Variants in ZFHX3 observed in about 807,000 individuals in gnomAD.
ZFHX3 encodes the protein zinc finger homeobox protein 3.
Under a neutral mutation model 279.1 loss-of-function variants are expected in ZFHX3, and 42 were observed. That is an observed-to-expected ratio of 0.15 (90% CI 0.12 to 0.19). The LOEUF (loss-of-function observed/expected upper bound fraction) is 0.19. Among genes scored for constraint, ZFHX3 ranks in the 10% least tolerant of loss-of-function variants. The pLI is 1.00. For synonymous variants in ZFHX3, 2,293 were observed against 1,957.8 expected (o/e 1.17, Z -4.52); for missense variants, 4,981 against 4,754.0 (o/e 1.05, Z -1.40).
chr16:73,535,421 C>G (rs749398299), intron 2 of ZFHX3, among the ~76,000 whole-genome samples: 1 of 152,210 alleles, frequency 6.6e-6, no homozygotes, highest in Non-Finnish European at 1.5e-5. Flanking sequence ...CTGGTGAGAT[C>G]TGAGTGGCTA....
chr16:73,067,324 A>G (rs1965768157), intron 8 of ZFHX3, among the ~76,000 whole-genome samples: 1 of 152,198 alleles, frequency 6.6e-6, no homozygotes, highest in African/African-American at 2.4e-5. Flanking sequence ...TTAAACTTAC[A>G]GTCTTCAGGG....
rs1056488749 is a variant in ZFHX3 at position 73,316,779 on chromosome 16, C to T, written c.-1194+1461G>A. Among the ~76,000 whole-genome samples, 122 of 152,260 alleles carry T rather than the reference C, an allele frequency of 8.0e-4. 1 individual carries two copies. Among genetic ancestry groups the T allele is most frequent in the African/African-American group, 2.8e-3 (118 of 41,536 alleles). Reference sequence around the variant, plus strand: ...CTTCACATTCACGCTGCACTCCTGACCAGTGAATGCAAACACACAAGGCAT... The same window carrying T: ...CTTCACATTCACGCTGCACTCCTGATCAGTGAATGCAAACACACAAGGCAT... On this transcript the variant is annotated intron_variant, in intron 4 of 17. Coordinates refer to the ZFHX3 transcript ENST00000641206.
At chr16:72,987,127 C>T (rs536907548) in intron 1 of ZFHX3, among the ~76,000 whole-genome samples, 168 of 152,274 alleles carry the variant, frequency 1.1e-3, no homozygotes, top group South Asian at 7.7e-3. Context: ...AGCCACTACA[C>T]GCCAGCCTGG....
At position 73,519,359 on chromosome 16, in the gene ZFHX3, TG is replaced by T. The variant is rs547021263; in HGVS notation, c.-1546-63102del. 9.2e-5 allele frequency among the ~76,000 whole-genome samples: 14 copies of T among 152,340 alleles called. No homozygotes were observed. The South Asian group carries it at 2.9e-3, about 32-fold the overall frequency. The stretch of plus-strand genomic sequence containing the variant: ...AGGATTATTCTATAAATTTTTAAAA[TG>T]TTTTTCTACATATCTCTAAAATACC... On this transcript the variant is annotated intron_variant, in intron 2 of 17. Coordinates refer to the ZFHX3 transcript ENST00000641206.
intron 2 of ZFHX3, among the ~76,000 whole-genome samples, chr16:73,567,227 A>G (rs189260350): frequency 6.6e-6 from 1 of 152,078 alleles, no homozygotes; most frequent in Admixed American, 6.5e-5. Flanking sequence ...GGAGCTCCTT[A>G]CTGATTACAT....
rs114316299 is a variant in ZFHX3, at chr16:73,448,557, T to A, written c.-1291+7446A>T. On this transcript the variant is annotated intron_variant, in intron 3 of 17. Transcript: ENST00000641206. ...TCTTTAGTGAACGAAAAGGAAAAGA[T>A]AAAAAATAAGGAAGGTAATAGAAAA... is the stretch of plus-strand genomic sequence containing the variant. 9.2e-3 allele frequency among the ~76,000 whole-genome samples: 1,390 copies of A among 151,760 alleles called. 22 individuals carry two copies. The highest frequency in any genetic ancestry group is 0.031 in the African/African-American group (1,298 of 41,392).
At chr16:73,692,208 G>T (rs1402804036) in intron 1 of ZFHX3, among the ~76,000 whole-genome samples, 2 of 152,112 alleles carry the variant, frequency 1.3e-5, no homozygotes, top group Non-Finnish European at 2.9e-5. Flanking sequence ...CTAATAAATA[G>T]ATTGAGGTGG....
intron 2 of ZFHX3, among the ~76,000 whole-genome samples, chr16:73,500,706 A>C (rs1210502999): frequency 3.8e-4 from 57 of 151,470 alleles, no homozygotes; most frequent in Middle Eastern, 3.4e-3. Flanking sequence ...AAAAAAAAAA[A>C]AAACCTCACA....
At chr16:73,362,202 T>C (rs1277831907) in intron 3 of ZFHX3, among the ~76,000 whole-genome samples, 2 of 152,190 alleles carry the variant, frequency 1.3e-5, no homozygotes, top group Non-Finnish European at 2.9e-5. Flanking sequence ...TATTTGTATC[T>C]GGGGAGAGGA....
intron 4 of ZFHX3, among the ~76,000 whole-genome samples, chr16:72,884,310 C>T (rs1262322910): frequency 3.9e-5 from 6 of 152,154 alleles, no homozygotes; most frequent in African/African-American, 2.4e-5. Context: ...ATGCCAAAGA[C>T]GTATCTGTAA....
chr16:72,892,964 G>A (rs1002916280), intron 3 of ZFHX3, among the ~76,000 whole-genome samples: 1 of 152,146 alleles, frequency 6.6e-6, no homozygotes, highest in African/African-American at 2.4e-5. Flanking sequence ...GAGAAGATGA[G>A]CTAGCCCACG....
intron 5 of ZFHX3, among the ~76,000 whole-genome samples, chr16:73,241,790 C>CAAAAAAAAAAAAAA (rs60214410): frequency 2.0e-4 from 10 of 51,276 alleles, no homozygotes; most frequent in African/African-American, 8.5e-4. Flanking sequence ...AACTCCGTCT[C>CAAAAAAAAAAAAAA]AAAAAAAAAA....
chr16:73,168,739 TC>T (rs1446791364), intron 5 of ZFHX3, among the ~76,000 whole-genome samples: 2 of 152,176 alleles, frequency 1.3e-5, no homozygotes, highest in Non-Finnish European at 2.9e-5. Context: ...ATCATCTCCA[TC>T]CACAAAACAC....
chr16:73,589,076 T>G (rs1279306713), intron 2 of ZFHX3, among the ~76,000 whole-genome samples: 1 of 148,832 alleles, frequency 6.7e-6, no homozygotes, highest in African/African-American at 2.5e-5. Flanking sequence ...CTGGCTAACA[T>G]GGTGAAACTC....
chr16:73,739,338 G>A (rs1481959327), intron 1 of ZFHX3, among the ~76,000 whole-genome samples: 2 of 152,140 alleles, frequency 1.3e-5, no homozygotes, highest in Admixed American at 6.5e-5. Context: ...TGCATGATTG[G>A]CATTTTGAGC....
At chr16:72,978,385 C>T (rs548538186) in intron 1 of ZFHX3, among the ~76,000 whole-genome samples, 5 of 152,166 alleles carry the variant, frequency 3.3e-5, no homozygotes, top group South Asian at 2.1e-4. Flanking sequence ...GGAGGTGATG[C>T]AATTTCATTT....
chr16:73,417,782 C>G (rs924359646), intron 3 of ZFHX3, among the ~76,000 whole-genome samples: 6 of 150,706 alleles, frequency 4.0e-5, no homozygotes, highest in African/African-American at 1.2e-4. Flanking sequence ...ACCATCCTGG[C>G]TAACACAGTG....
chr16:72,961,179 T>C (rs1961557681), intron 1 of ZFHX3, among the ~76,000 whole-genome samples: 1 of 152,134 alleles, frequency 6.6e-6, no homozygotes, highest in South Asian at 2.1e-4. Context: ...TGGTTTTTGC[T>C]ATCAAGGATC....
intron 3 of ZFHX3, among the ~76,000 whole-genome samples, chr16:73,441,439 T>C (rs1166729094): frequency 6.6e-6 from 1 of 152,168 alleles, no homozygotes; most frequent in Non-Finnish European, 1.5e-5. Flanking sequence ...TGCTGTATCC[T>C]TTGGTAAAAG....
Sources: allele counts gnomAD v4.1 joint callset (sites outside exome capture counted in the v4.1 genomes callset), GRCh38; gene constraint gnomAD v4.1.1; transcripts MANE v1.5; gene names NCBI Gene and HGNC (gene_info 2026-07-23, HGNC 2026-07-21).